PIGM: variants seen among roughly 807,000 people sequenced by gnomAD.
The protein encoded by PIGM is phosphatidylinositol glycan anchor biosynthesis class M.
In PIGM, 7 loss-of-function variants were observed where a neutral mutation model predicts 14.6. The observed-to-expected ratio is 0.48, with a 90% CI of 0.27 to 0.90. The LOEUF is 0.90. PIGM is among the 40% of genes least tolerant of loss of function. The probability of loss-of-function intolerance (pLI) is 0.12; values close to 1 mark genes in which losing one functional copy is unlikely to be tolerated. For synonymous variants in PIGM, 216 were observed against 215.9 expected, an observed-to-expected ratio of 1.00 and a Z score of 0.00; for missense variants, 506 against 516.2, an observed-to-expected ratio of 0.98 and a Z score of 0.19.
chr1:160,029,692 T>C lies in PIGM; in HGVS notation c.*776A>G, dbSNP rs913279302. 1 of 151,606 alleles carries C rather than the reference T, an allele frequency of 6.6e-6. No homozygotes were observed. The highest frequency in any genetic ancestry group is 2.4e-5 in the African/African-American group (1 of 41,246). The allele number at this position is 151,606 out of a possible 1,614,324, so 9.4% of individuals were successfully genotyped here. On this transcript the variant is annotated 3_prime_UTR_variant, in exon 1 of 1. Transcript: ENST00000368090. ...TTATCTTGTAAGACCCCACATTTAA[T>C]ATAGAAGTTTAAAACTCTCTAAAAT...
rs1557962903 is a variant in PIGM, at chr1:160,028,648, T to C, written c.*1820A>G. 1 of 152,186 alleles carries C rather than the reference T, an allele frequency of 6.6e-6. No homozygotes were observed. Among genetic ancestry groups the C allele is most frequent in the East Asian group, 1.9e-4 (1 of 5,206 alleles). 9.4% of individuals were successfully genotyped at this position (152,186 alleles called of 1,614,324 possible). A position where few individuals can be genotyped will look rare whatever the true frequency, so the allele number is the denominator to read the frequency against. On this transcript the variant is annotated 3_prime_UTR_variant, in exon 1 of 1. Transcript: ENST00000368090. Reference sequence around the variant, plus strand: ...GAAATATAATACTGTGGAACTTTTTTTGTCTTTTTGTGAGTGTTTTCTGAC... The same window carrying C: ...GAAATATAATACTGTGGAACTTTTTCTGTCTTTTTGTGAGTGTTTTCTGAC...
Position 160,031,978 on chromosome 1 carries a change from C to A in PIGM, c.-239G>T, listed in dbSNP as rs1177906890. On this transcript the variant is annotated 5_prime_UTR_variant, in exon 1 of 1. Coordinates refer to ENST00000368090, the MANE Select transcript of PIGM (RefSeq NM_145167.3). ...AAAAACTTGCCTTCCTCTGGATGGA[C>A]GGTCTCGCTTCCGCTTCTTCTTCCA... 8.2e-6 allele frequency: 5 copies of A among 611,394 alleles called. No homozygotes were observed. Among genetic ancestry groups the A allele is most frequent in the African/African-American group, 1.8e-5 (1 of 54,462 alleles). The allele number at this position is 611,394 out of a possible 1,614,324, so 37.9% of individuals were successfully genotyped here.
In PIGM at chr1:160,031,539, C is replaced by A. The variant is rs752764411; in HGVS notation, c.201G>T (p.Ser67=). The change falls in exon 1 of 1, where the codon TCG becomes TCT. Residue 67 remains serine, a synonymous_variant. Transcript: ENST00000368090. ...AACGGTACGTGGCTCTCAGGTAAGG[C>A]GAGCGCCCCTCCGTGACGAAGCGCG... ...DAARFVTEGR[S]PYLRATYRYT... 6.2e-6 allele frequency: 10 copies of A among 1,614,060 alleles called. No homozygotes were observed. Among genetic ancestry groups the A allele is most frequent in the Non-Finnish European group, 8.5e-6 (10 of 1,180,044 alleles).
At position 160,027,020 on chromosome 1, in the gene PIGM, T is replaced by G. The variant is rs1332597152; in HGVS notation, c.*3448A>C. On this transcript the variant is annotated 3_prime_UTR_variant, in exon 1 of 1. Transcript: ENST00000368090. Reference sequence around the variant, plus strand: ...TGTACAGATGGGGGTCTCACTATGTTGTCCAGGCTGGTCTCAAACTCCTGT... The same window carrying G: ...TGTACAGATGGGGGTCTCACTATGTGGTCCAGGCTGGTCTCAAACTCCTGT... 1 of 152,086 alleles carries G rather than the reference T, an allele frequency of 6.6e-6. No individual in the cohort carries two copies. Among genetic ancestry groups the G allele is most frequent in the Admixed American group, 6.5e-5 (1 of 15,272 alleles). The allele number at this position is 152,086 out of a possible 1,614,324, so 9.4% of individuals were successfully genotyped here.
In PIGM at chr1:160,030,327, A is replaced by C. The variant is rs1183427954; in HGVS notation, c.*141T>G. 6.7e-6 allele frequency: 6 copies of C among 895,322 alleles called. No individual in the cohort carries two copies. The East Asian group carries it at 1.5e-4, about 22-fold the overall frequency. The allele number at this position is 895,322 out of a possible 1,614,324, so 55.5% of individuals were successfully genotyped here. A position where few individuals can be genotyped will look rare whatever the true frequency, so the allele number is the denominator to read the frequency against. ...TGTGTCCCTTTTATATATAAGGCAA[A>C]CATTGCTTTTAAGTTCTGTTGGAAC... is the stretch of plus-strand genomic sequence containing the variant. On this transcript the variant is annotated 3_prime_UTR_variant, in exon 1 of 1. Transcript: ENST00000368090.
In PIGM at chr1:160,029,727, A is replaced by G. The variant is rs1210640009; in HGVS notation, c.*741T>C. 1 of 150,410 alleles carries G rather than the reference A, an allele frequency of 6.6e-6. No homozygotes were observed. The highest frequency in any genetic ancestry group is 1.5e-5 in the Non-Finnish European group (1 of 67,830). The allele number at this position is 150,410 out of a possible 1,614,324, so 9.3% of individuals were successfully genotyped here. A position where few individuals can be genotyped will look rare whatever the true frequency, so the allele number is the denominator to read the frequency against. The stretch of plus-strand genomic sequence containing the variant: ...TAAAACTCTCTAAAATAATACTACT[A>G]AGCATCTTAGTATTATTTAATACTT... On this transcript the variant is annotated 3_prime_UTR_variant, in exon 1 of 1. Coordinates refer to ENST00000368090, the MANE Select transcript of PIGM (RefSeq NM_145167.3).
rs1648237540 is a variant in PIGM at position 160,028,651 on chromosome 1, T to C, written c.*1817A>G. ...ATATAATACTGTGGAACTTTTTTTG[T>C]CTTTTTGTGAGTGTTTTCTGACTGC... On this transcript the variant is annotated 3_prime_UTR_variant, in exon 1 of 1. Transcript: ENST00000368090. 1 of 152,226 alleles carries C rather than the reference T, an allele frequency of 6.6e-6. No homozygotes were observed. The highest frequency in any genetic ancestry group is 2.4e-5 in the African/African-American group (1 of 41,462). 9.4% of individuals were successfully genotyped at this position (152,226 alleles called of 1,614,324 possible). A position where few individuals can be genotyped will look rare whatever the true frequency, so the allele number is the denominator to read the frequency against.
At position 160,028,030 on chromosome 1, in the gene PIGM, T is replaced by C. The variant is rs1308362039; in HGVS notation, c.*2438A>G. 3 of 152,182 alleles carry C rather than the reference T, an allele frequency of 2.0e-5. No individual in the cohort carries two copies. The highest frequency in any genetic ancestry group is 6.5e-5 in the Admixed American group (1 of 15,276). 9.4% of individuals were successfully genotyped at this position (152,182 alleles called of 1,614,324 possible). ...AACACAGAAAATGTTGAAAGTCTTA[T>C]TTAGAATATTAAAAACTGGAAGCAA... On this transcript the variant is annotated 3_prime_UTR_variant, in exon 1 of 1. Coordinates refer to ENST00000368090, the MANE Select transcript of PIGM (RefSeq NM_145167.3).
At position 160,025,189 on chromosome 1, in the gene PIGM, CTTAATCCTTACCAACAATTCTATGAAGA is replaced by C; in HGVS notation, c.*5251_*5278del. ...TGCACACTTTGAGCATATCAACTCA[CTTAATCCTTACCAACAATTCTATGAAGA>C]TTGTGCTATCATTCCCATTTCACAG... is the stretch of plus-strand genomic sequence containing the variant. On this transcript the variant is annotated 3_prime_UTR_variant, in exon 1 of 1. Transcript: ENST00000368090. The C allele has an allele frequency of 6.6e-6, 1 of 152,366 alleles. No individual in the cohort carries two copies. The highest frequency in any genetic ancestry group is 3.4e-3 in the Middle Eastern group (1 of 294). 9.4% of individuals were successfully genotyped at this position (152,366 alleles called of 1,614,324 possible).
At position 160,031,551 on chromosome 1, in the gene PIGM, C is replaced by A. The variant is rs757445490; in HGVS notation, c.189G>T (p.Thr63=). The A allele has an allele frequency of 6.2e-7, 1 of 1,614,034 alleles. No individual in the cohort carries two copies. Among genetic ancestry groups the A allele is most frequent in the Non-Finnish European group, 8.5e-7 (1 of 1,180,056 alleles). ...QVFTDAARFV[T]EGRSPYLRAT... is the part of the protein sequence containing the mutation. ...CTCTCAGGTAAGGCGAGCGCCCCTCCGTGACGAAGCGCGCGGCGTCGGTGA... is the reference window on the plus strand; with the variant it reads ...CTCTCAGGTAAGGCGAGCGCCCCTCAGTGACGAAGCGCGCGGCGTCGGTGA... The change falls in exon 1 of 1, where the codon ACG becomes ACT. Residue 63 remains threonine, a synonymous_variant. Transcript: ENST00000368090.
rs1005836350 is a variant in PIGM at position 160,028,312 on chromosome 1, A to C, written c.*2156T>G. 1 of 152,094 alleles carries C rather than the reference A, an allele frequency of 6.6e-6. No homozygotes were observed. The highest frequency in any genetic ancestry group is 2.4e-5 in the African/African-American group (1 of 41,406). The allele number at this position is 152,094 out of a possible 1,614,324, so 9.4% of individuals were successfully genotyped here. Reference sequence around the variant, plus strand: ...ATAATTTTTTTTTTTAATTCTTAGAATAGGAAAAAAAGGTAAGAATGCTAT... The same window carrying C: ...ATAATTTTTTTTTTTAATTCTTAGACTAGGAAAAAAAGGTAAGAATGCTAT... On this transcript the variant is annotated 3_prime_UTR_variant, in exon 1 of 1. Transcript: ENST00000368090.
At position 160,031,073 on chromosome 1, in the gene PIGM, A is replaced by G; in HGVS notation, c.667T>C (p.Cys223Arg). 1 of 1,614,206 alleles carries G rather than the reference A, an allele frequency of 6.2e-7. No individual in the cohort carries two copies. The highest frequency in any genetic ancestry group is 1.3e-5 in the African/African-American group (1 of 75,046). ...ACLYELLKRLCNRAVLLFVAV... is the reference protein window; with the variant it reads ...ACLYELLKRLRNRAVLLFVAV... ...ACAAACAGCAGCACAGCCCGATTAC[A>G]CAGCCTTTTCAGGAGCTCGTACAAA... The change falls in exon 1 of 1, where the codon TGT becomes CGT. Residue 223 changes from cysteine (C) to arginine (R), a missense_variant. Cys to Arg is a radical substitution (Grantham distance 180, BLOSUM62 -3). Coordinates refer to ENST00000368090, the MANE Select transcript of PIGM (RefSeq NM_145167.3).
chr1:160,031,166 G>T lies in PIGM; in HGVS notation c.574C>A (p.Leu192Ile). ...TTGTCGCGATCTGGAAGCAGGTGGA[G>T]GGTTATGGGAAGGATGTAAGTCACT... is the stretch of plus-strand genomic sequence containing the variant. ...YPVTYILPIT[L>I]HLLPDRDNDK... Residue 192 changes from leucine to isoleucine, a missense_variant, in exon 1 of 1, where the codon CTC becomes ATC. Physicochemically the swap from Leu to Ile is conservative, Grantham distance 5. Coordinates refer to ENST00000368090, the MANE Select transcript of PIGM (RefSeq NM_145167.3). The T allele has an allele frequency of 6.2e-7, 1 of 1,614,104 alleles. No homozygotes were observed. Among genetic ancestry groups the T allele is most frequent in the South Asian group, 1.1e-5 (1 of 91,078 alleles).
Position 160,030,707 on chromosome 1 carries a change from G to T in PIGM, c.1033C>A (p.Leu345Ile). The change falls in exon 1 of 1, where the codon CTT becomes ATT. Residue 345 changes from leucine to isoleucine, a missense_variant. Physicochemically the swap from Leu to Ile is conservative, Grantham distance 5. Coordinates refer to ENST00000368090, the MANE Select transcript of PIGM (RefSeq NM_145167.3). ...YFLWYLCLLP[L>I]VMPLVRMPWK... is the part of the protein sequence containing the mutation. ...GGCATTCTGACTAGTGGCATCACAA[G>T]AGGCAGTAAGCAGAGGTACCAAAGA... The T allele has an allele frequency of 6.2e-7, 1 of 1,614,134 alleles. No homozygotes were observed. The highest frequency in any genetic ancestry group is 1.7e-5 in the Admixed American group (1 of 60,026).
rs757989025 is a variant in PIGM, at chr1:160,031,055, G to A, written c.685C>T (p.Leu229=). Residue 229 remains leucine, a synonymous_variant, in exon 1 of 1, where the codon CTG becomes TTG. Coordinates refer to ENST00000368090, the MANE Select transcript of PIGM (RefSeq NM_145167.3). ...LKRLCNRAVL[L]FVAVAGLTFF... ...GTGAGTCCAGCAACTGCTACAAACA[G>A]CAGCACAGCCCGATTACACAGCCTT... 1 of 1,614,220 alleles carries A rather than the reference G, an allele frequency of 6.2e-7. No individual in the cohort carries two copies. The highest frequency in any genetic ancestry group is 8.5e-7 in the Non-Finnish European group (1 of 1,180,042).
Position 160,030,657 on chromosome 1 carries a change from TAGG to T in PIGM, c.1080_1082del (p.Leu361del). On this transcript the variant is annotated inframe_deletion, in exon 1 of 1. Coordinates refer to ENST00000368090, the MANE Select transcript of PIGM (RefSeq NM_145167.3). Reference sequence around the variant, plus strand: ...TGGCCTGCCCTATAAACCATAACATTAGGAGAACTACAGCTCTTTTCCAAGGCA... The same window carrying T: ...TGGCCTGCCCTATAAACCATAACATTAGAACTACAGCTCTTTTCCAAGGCA... 6.2e-7 allele frequency: 1 copy of T among 1,614,164 alleles called. No homozygotes were observed. The highest frequency in any genetic ancestry group is 8.5e-7 in the Non-Finnish European group (1 of 1,180,024).
Position 160,030,801 on chromosome 1 carries a change from G to T in PIGM, c.939C>A (p.Leu313=), listed in dbSNP as rs758598643. 4.2e-5 allele frequency: 68 copies of T among 1,614,010 alleles called. No homozygotes were observed. Among genetic ancestry groups the T allele is most frequent in the Non-Finnish European group, 5.3e-5 (63 of 1,179,994 alleles). The change falls in exon 1 of 1, where the codon CTC becomes CTA. Residue 313 remains leucine, a synonymous_variant. Coordinates refer to ENST00000368090, the MANE Select transcript of PIGM (RefSeq NM_145167.3). ...SAVSFAYYRD[L]VFCCFLHTSI... The stretch of plus-strand genomic sequence containing the variant: ...ACGTATGAAGAAAACAACAAAAAAC[G>T]AGGTCTCTGTAATAGGCGAAAGACA...
Position 160,031,863 on chromosome 1 carries a change from C to T in PIGM, c.-124G>A, listed in dbSNP as rs1046041252. 9.0e-7 allele frequency: 1 copy of T among 1,107,156 alleles called. No homozygotes were observed. The highest frequency in any genetic ancestry group is 1.3e-5 in the South Asian group (1 of 76,250). The allele number at this position is 1,107,156 out of a possible 1,614,324, so 68.6% of individuals were successfully genotyped here. On this transcript the variant is annotated 5_prime_UTR_variant, in exon 1 of 1. Coordinates refer to ENST00000368090, the MANE Select transcript of PIGM (RefSeq NM_145167.3). Reference sequence around the variant, plus strand: ...CCACCCGCCAGGCTGCCAACCGAAACGACTGCAGACTATCACATCCGGCAT... The same window carrying T: ...CCACCCGCCAGGCTGCCAACCGAAATGACTGCAGACTATCACATCCGGCAT...
Position 160,030,938 on chromosome 1 carries a change from G to C in PIGM, c.802C>G (p.Arg268Gly), listed in dbSNP as rs201700634. ...YFYHLTRRDI[R>G]HNFSPYFYML... ...TAGAAGTACGGAGAAAAGTTGTGAC[G>C]GATATCCCGCCTAGTCAGGTGATAA... Residue 268 changes from arginine (R) to glycine (G), a missense_variant, in exon 1 of 1, where the codon CGT (arginine) becomes GGT (glycine). Arg to Gly is a moderately radical substitution (Grantham distance 125, BLOSUM62 -2). Coordinates refer to ENST00000368090, the MANE Select transcript of PIGM (RefSeq NM_145167.3). 6.2e-7 allele frequency: 1 copy of C among 1,614,020 alleles called. No homozygotes were observed. The highest frequency in any genetic ancestry group is 8.5e-7 in the Non-Finnish European group (1 of 1,180,012).
Sources: allele counts gnomAD v4.1 joint callset, GRCh38; gene constraint gnomAD v4.1.1; transcripts MANE v1.5; gene names NCBI Gene and HGNC (gene_info 2026-07-23, HGNC 2026-07-21).